The following OTUD3 variants were observed in gnomAD, a reference collection of about 807,000 sequenced individuals.
The protein encoded by OTUD3 is OTU deubiquitinase 3, also known as OTU domain-containing protein 3.
A neutral mutation model predicts 46.2 loss-of-function variants in OTUD3; 24 were observed. The ratio of observed to expected loss-of-function variants is 0.52; its 90% CI spans 0.38 to 0.73. The LOEUF is 0.73. Among genes scored for constraint, OTUD3 ranks in the 30% least tolerant of loss-of-function variants. The pLI is 0.00. For missense variants in OTUD3, 455 were observed against 523.3 expected, an observed-to-expected ratio of 0.87 and a Z score of 1.27; for synonymous variants, 189 against 195.4, an observed-to-expected ratio of 0.97 and a Z score of 0.27.
Position 19,910,710 on chromosome 1 carries a change from TCCC to T in OTUD3, c.*2965_*2967del. The T allele has an allele frequency of 6.6e-6, 1 of 152,446 alleles. No homozygotes were observed. The highest frequency in any genetic ancestry group is 2.4e-5 in the African/African-American group (1 of 41,578). The allele number at this position is 152,446 out of a possible 1,614,324, so 9.4% of individuals were successfully genotyped here. A position where few individuals can be genotyped will look rare whatever the true frequency, so the allele number is the denominator to read the frequency against. Reference sequence around the variant, plus strand: ...TTCTGAGGGCTTGGGAAGTGGGATCTCCCTTGTGGAGCAGCTGGAGCTGGCTGG... The same window carrying T: ...TTCTGAGGGCTTGGGAAGTGGGATCTTTGTGGAGCAGCTGGAGCTGGCTGG... On this transcript the variant is annotated 3_prime_UTR_variant, in exon 8 of 8. Transcript: ENST00000375120.
chr1:19,897,428 G>A (rs2045531007), intron 3 of OTUD3, 112 bp from the exon 4 acceptor site: 1 of 1,026,598 alleles, frequency 9.7e-7, no homozygotes, highest in Non-Finnish European at 1.4e-6. Flanking sequence ...TTCCCAATTA[G>A]TGTCTCATAG....
At chr1:19,898,304 A>T (rs2045543351) in intron 4 of OTUD3, among the ~76,000 whole-genome samples, 1 of 152,202 alleles carries the variant, frequency 6.6e-6, no homozygotes, top group African/African-American at 2.4e-5. Context: ...AGAAGAAAAT[A>T]AAAAGCATGT....
chr1:19,884,858 T>C (rs565019804), intron 1 of OTUD3, among the ~76,000 whole-genome samples: 1 of 152,298 alleles, frequency 6.6e-6, no homozygotes, highest in East Asian at 1.9e-4. Flanking sequence ...AATTAAAATA[T>C]AGTTTGATAT....
At chr1:19,901,284 G>A (rs774317783) in intron 4 of OTUD3, among the ~76,000 whole-genome samples, 3 of 152,176 alleles carry the variant, frequency 2.0e-5, no homozygotes, top group Non-Finnish European at 2.9e-5. Context: ...TCTTTTTGAT[G>A]TTGAGTCTTT....
chr1:19,892,161 G>A (rs762967329), intron 2 of OTUD3, among the ~76,000 whole-genome samples: 3 of 152,172 alleles, frequency 2.0e-5, no homozygotes, highest in Non-Finnish European at 4.4e-5. Flanking sequence ...TTCTTGAAAT[G>A]TCACTATGCA....
rs755693439 is a variant in OTUD3, at chr1:19,904,956, C to T, written c.804C>T (p.Ala268=). 29 of 1,590,804 alleles carry T rather than the reference C, an allele frequency of 1.8e-5. No individual in the cohort carries two copies. The highest frequency in any genetic ancestry group is 6.7e-5 in the South Asian group (6 of 90,102). ...ATAATATTGAATCTGCAATAATTGC[C>T]GTGCTTCGGATGAACCAAGGGAAGA... ...ENYNIESAII[A]VLRMNQGKRN... is the part of the protein sequence containing the mutation. The change falls in exon 6 of 8, where the codon GCC becomes GCT. Residue 268 remains alanine (A), a synonymous_variant. Transcript: ENST00000375120.
intron 4 of OTUD3, 28 bp from the exon 5 acceptor site, chr1:19,904,239 T>C: frequency 6.4e-7 from 1 of 1,553,996 alleles, no homozygotes; most frequent in Non-Finnish European, 8.7e-7. Context: ...CTCAACATAG[T>C]TCCCTGATTA....
rs2045748978 is a variant in OTUD3, at chr1:19,912,784, C to T, written c.*5038C>T. ...TCTGAACCATTTTATTTTTTATTTA[C>T]CAAAGTACTGTACTTGGCTATTTGC... is the stretch of plus-strand genomic sequence containing the variant. On this transcript the variant is annotated 3_prime_UTR_variant, in exon 8 of 8. Transcript: ENST00000375120. 6.6e-6 allele frequency: 1 copy of T among 152,266 alleles called. No homozygotes were observed. Among genetic ancestry groups the T allele is most frequent in the Non-Finnish European group, 1.5e-5 (1 of 68,022 alleles). The allele number at this position is 152,266 out of a possible 1,614,324, so 9.4% of individuals were successfully genotyped here.
chr1:19,907,729 G>T lies in OTUD3; in HGVS notation c.1180G>T (p.Ala394Ser). The part of the protein sequence containing the change: ...NTQVTLVKTF[A>S]ALNI ...GCAGGTCACCTTGGTGAAGACCTTC[G>T]CCGCTCTCAACATCTGACTCTTTGG... Residue 394 changes from alanine (A) to serine (S), a missense_variant, in exon 8 of 8, where the codon GCC (alanine) becomes TCC (serine). Transcript: ENST00000375120. The T allele has an allele frequency of 6.2e-7, 1 of 1,614,136 alleles. No individual in the cohort carries two copies. Among genetic ancestry groups the T allele is most frequent in the Non-Finnish European group, 8.5e-7 (1 of 1,180,008 alleles).
At chr1:19,885,569 T>A (rs909142546) in intron 1 of OTUD3, among the ~76,000 whole-genome samples, 2 of 152,198 alleles carry the variant, frequency 1.3e-5, no homozygotes, top group African/African-American at 4.8e-5. Context: ...TTCTCTTGCC[T>A]CAGCCTCCTG....
chr1:19,906,671 G>T, intron 7 of OTUD3, 55 bp downstream of exon 7: 1 of 1,406,710 alleles, frequency 7.1e-7, no homozygotes, highest in Non-Finnish European at 9.7e-7. Context: ...TTCTGTGGCA[G>T]TGGTGGTAGC....
intron 4 of OTUD3, among the ~76,000 whole-genome samples, chr1:19,899,634 T>C (rs1297504651): frequency 6.6e-6 from 1 of 152,260 alleles, no homozygotes. Flanking sequence ...TAGAAGGTCC[T>C]TGCCACATCA....
At chr1:19,892,540 G>C (rs2045461733) in intron 2 of OTUD3, among the ~76,000 whole-genome samples, 1 of 152,070 alleles carries the variant, frequency 6.6e-6, no homozygotes, top group Non-Finnish European at 1.5e-5. Flanking sequence ...TTTTCTTTTA[G>C]ACTGTGGCTT....
chr1:19,883,105 T>C (rs921181251), intron 1 of OTUD3, among the ~76,000 whole-genome samples: 6 of 152,222 alleles, frequency 3.9e-5, no homozygotes, highest in African/African-American at 7.2e-5. Flanking sequence ...AAAACAGTTA[T>C]CATGACGATA....
intron 6 of OTUD3, among the ~76,000 whole-genome samples, chr1:19,906,007 A>G (rs1233809376): frequency 1.3e-5 from 2 of 152,342 alleles, no homozygotes; most frequent in East Asian, 3.9e-4. Context: ...ATGAGCAATG[A>G]GACTGGAGAG....
intron 1 of OTUD3, among the ~76,000 whole-genome samples, chr1:19,885,568 C>T (rs980576887): frequency 6.6e-6 from 1 of 152,164 alleles, no homozygotes; most frequent in Non-Finnish European, 1.5e-5. Flanking sequence ...ATTCTCTTGC[C>T]TCAGCCTCCT....
chr1:19,886,628 A>T (rs1313888100), intron 1 of OTUD3, among the ~76,000 whole-genome samples: 1 of 152,222 alleles, frequency 6.6e-6, no homozygotes, highest in Admixed American at 6.5e-5. Flanking sequence ...AAAAATTTAC[A>T]GATGATTCTT....
At chr1:19,892,104 C>T (rs992084701) in intron 2 of OTUD3, among the ~76,000 whole-genome samples, 3 of 152,090 alleles carry the variant, frequency 2.0e-5, no homozygotes, top group Non-Finnish European at 4.4e-5. Flanking sequence ...CTCAAATCTT[C>T]GGTTGCCAAT....
rs1336256006 is a variant in OTUD3 at position 19,894,481 on chromosome 1, GTA to G, written c.483+2_483+3del. 2.0e-6 allele frequency: 3 copies of G among 1,523,504 alleles called. No individual in the cohort carries two copies. The highest frequency in any genetic ancestry group is 2.7e-6 in the Non-Finnish European group (3 of 1,107,366). 94.4% of individuals were successfully genotyped at this position (1,523,504 alleles called of 1,614,324 possible). A position where few individuals can be genotyped will look rare whatever the true frequency, so the allele number is the denominator to read the frequency against. ...TCAACTTAATGCCCCTTTGTGGCAGGTAGGTCACCTATTTAAACATTTATCTT... is the reference window on the plus strand; with the variant it reads ...TCAACTTAATGCCCCTTTGTGGCAGGGGTCACCTATTTAAACATTTATCTT... On this transcript the variant is annotated splice_donor_variant and splice_donor_region_variant and intron_variant, in intron 3 of 7. Transcript: ENST00000375120. LOFTEE classifies it high-confidence loss of function.
Sources: allele counts gnomAD v4.1 joint callset (sites outside exome capture counted in the v4.1 genomes callset), GRCh38; gene constraint gnomAD v4.1.1; transcripts MANE v1.5; gene names NCBI Gene and HGNC (gene_info 2026-07-23, HGNC 2026-07-21).